Variants in CASD1 observed in about 807,000 individuals in gnomAD.
CASD1 encodes the protein CAS1 domain sialic acid O acetyltransferase 1.
CASD1 carries 41 observed loss-of-function variants against 100.0 expected under a neutral mutation model. The observed-to-expected ratio is 0.41, with a 90% CI of 0.32 to 0.53. CASD1 has a LOEUF of 0.53. Ranked by LOEUF, CASD1 falls within the 20% of genes least tolerant of loss-of-function variation. The pLI is 0.25. For synonymous variants in CASD1, 321 were observed against 315.6 expected, an observed-to-expected ratio of 1.02 and a Z score of -0.18; for missense variants, 774 against 948.7, an observed-to-expected ratio of 0.82 and a Z score of 2.42.
chr7:94,513,471 C>A (rs11982468), intron 1 of CASD1, among the ~76,000 whole-genome samples: 1 of 152,012 alleles, frequency 6.6e-6, no homozygotes, highest in Admixed American at 6.6e-5. Flanking sequence ...ACAATCTAAA[C>A]GTGCTTTGCC....
At chr7:94,524,320 A>G (rs1460312434) in intron 3 of CASD1, 1 of 152,180 alleles carries the variant, frequency 6.6e-6, no homozygotes, top group Non-Finnish European at 1.5e-5. Context: ...ATAATTTACA[A>G]CATATATTCA....
chr7:94,621,892 T>TC, the CASD1 span: 2 of 152,302 alleles, frequency 1.3e-5, no homozygotes, highest in East Asian at 3.9e-4. Flanking sequence ...GAGTCTTCAG[T>TC]CCAGGCCCAC....
intron 13 of CASD1, among the ~76,000 whole-genome samples, chr7:94,548,668 T>A (rs1407353321): frequency 6.6e-6 from 1 of 151,858 alleles, no homozygotes; most frequent in Non-Finnish European, 1.5e-5. Context: ...ATCTAAAATA[T>A]AATATTATTT....
At chr7:94,514,037 C>G (rs1396701091) in intron 1 of CASD1, among the ~76,000 whole-genome samples, 10 of 151,990 alleles carry the variant, frequency 6.6e-5, no homozygotes, top group Non-Finnish European at 1.5e-4. Flanking sequence ...TATCTGTAGC[C>G]TTAAGGATAG....
At chr7:94,526,859 T>A (rs193033996) in intron 3 of CASD1, among the ~76,000 whole-genome samples, 30 of 152,296 alleles carry the variant, frequency 2.0e-4, no homozygotes, top group African/African-American at 7.0e-4. Flanking sequence ...ATCCTGGCAA[T>A]CTTGGCAAAA....
In CASD1 at chr7:94,523,537, T is replaced by G. The variant is rs564000243; in HGVS notation, c.352-3625T>G. On this transcript the variant is annotated intron_variant, in intron 3 of 17. Coordinates refer to ENST00000297273, the MANE Select transcript of CASD1 (RefSeq NM_022900.5). ...TGTATGCAGAAAAGCCATAAAAATTTATTGGAAGACAATTCCAAATGACAT... is the reference window on the plus strand; with the variant it reads ...TGTATGCAGAAAAGCCATAAAAATTGATTGGAAGACAATTCCAAATGACAT... Among the ~76,000 whole-genome samples, 7 of 152,344 alleles carry G rather than the reference T, an allele frequency of 4.6e-5. No individual in the cohort carries two copies. The East Asian group carries it at 1.3e-3, about 29-fold the overall frequency.
chr7:94,599,746 GAATT>G, the CASD1 span: 1 of 1,491,928 alleles, frequency 6.7e-7, no homozygotes. Context: ...CAAAATTTAT[GAATT>G]AAATAATAGC....
rs1199643282 is a variant in CASD1, at chr7:94,535,476, A to G, written c.796A>G (p.Met266Val). 1 of 1,613,758 alleles carries G rather than the reference A, an allele frequency of 6.2e-7. No individual in the cohort carries two copies. The highest frequency in any genetic ancestry group is 1.7e-5 in the Admixed American group (1 of 60,016). Residue 266 changes from methionine (M) to valine (V), a missense_variant, in exon 8 of 18, where the codon ATG becomes GTG. Transcript: ENST00000297273. ...CAAATTAATTGCTCAAGAAACCATCATGGAATCTTTGGATGGCTTACATCT... is the reference window on the plus strand; with the variant it reads ...CAAATTAATTGCTCAAGAAACCATCGTGGAATCTTTGGATGGCTTACATCT... ...VSKLIAQETI[M>V]ESLDGLHLPE...
At chr7:94,541,546 T>G (rs1199670297) in intron 10 of CASD1, among the ~76,000 whole-genome samples, 7 of 136,546 alleles carry the variant, frequency 5.1e-5, no homozygotes, top group African/African-American at 1.1e-4. Context: ...GGTTTTTTTT[T>G]TTTTTTTTTT....
downstream of CASD1, among the ~76,000 whole-genome samples, chr7:94,559,278 G>GTA (rs1483811941): frequency 7.8e-6 from 1 of 128,314 alleles, no homozygotes; most frequent in Non-Finnish European, 1.7e-5. Flanking sequence ...ATATATGTCT[G>GTA]TGTGTGTGTG....
At chr7:94,581,553 C>G in the CASD1 span, among the ~76,000 whole-genome samples, 5 of 152,080 alleles carry the variant, frequency 3.3e-5, no homozygotes, top group Non-Finnish European at 7.4e-5. Flanking sequence ...CAACAGGTCC[C>G]TGTGTGTGTT....
chr7:94,628,137 TACACACAC>T, the CASD1 span: 12 of 992,012 alleles, frequency 1.2e-5, no homozygotes, highest in African/African-American at 1.3e-4. Flanking sequence ...CAAATTACAA[TACACACAC>T]ACACACACAC....
At chr7:94,598,601 G>A in the CASD1 span, 3 of 634,218 alleles carry the variant, frequency 4.7e-6, no homozygotes, top group Non-Finnish European at 8.4e-6. Context: ...TTTCCTAAAA[G>A]TAATTGTATT....
chr7:94,518,628 C>G (rs1042311939), intron 3 of CASD1, among the ~76,000 whole-genome samples: 2 of 151,824 alleles, frequency 1.3e-5, no homozygotes, highest in South Asian at 2.1e-4. Context: ...AAAATATCAC[C>G]CCTTATTCTC....
chr7:94,588,358 T>A, the CASD1 span: 2 of 1,128,662 alleles, frequency 1.8e-6, no homozygotes, highest in Non-Finnish European at 2.2e-6. Flanking sequence ...AGACAAATCC[T>A]GGATGCATCC....
chr7:94,553,257 G>C (rs2116425724), intron 16 of CASD1: 1 of 199,342 alleles, frequency 5.0e-6, no homozygotes, highest in Non-Finnish European at 1.1e-5. Flanking sequence ...ATGTTCACAT[G>C]AACCTTTCAA....
the CASD1 span, among the ~76,000 whole-genome samples, chr7:94,610,289 A>G: frequency 1.3e-5 from 2 of 152,218 alleles, no homozygotes; most frequent in Non-Finnish European, 2.9e-5. Context: ...GAAACATGTC[A>G]TTATACATTT....
At chr7:94,584,784 A>G in the CASD1 span, among the ~76,000 whole-genome samples, 2 of 152,312 alleles carry the variant, frequency 1.3e-5, no homozygotes, top group East Asian at 3.9e-4. Flanking sequence ...GAGCTAACTG[A>G]TGTCACATTA....
At chr7:94,552,493 A>G in intron 16 of CASD1, 66 bp downstream of exon 16, 1 of 1,246,002 alleles carries the variant, frequency 8.0e-7, no homozygotes, top group Non-Finnish European at 1.1e-6. Context: ...TTTTAGAGGC[A>G]GAGAGATTTG....
Sources: gnomAD v4.1 joint callset for allele counts (sites outside exome capture counted in the v4.1 genomes callset) on GRCh38, gnomAD v4.1.1 for gene constraint, MANE v1.5 for transcripts, NCBI Gene and HGNC (gene_info 2026-07-23, HGNC 2026-07-21) for gene names.